The following SLC5A12 variants were observed in gnomAD, a reference collection of about 807,000 sequenced individuals.
SLC5A12 encodes the protein sodium-coupled monocarboxylate transporter 2.
A neutral mutation model predicts 72.7 loss-of-function variants in SLC5A12; 46 were observed. That is an observed-to-expected ratio of 0.63 (90% CI 0.50 to 0.81). SLC5A12 has a LOEUF of 0.81. SLC5A12 is among the 30% of genes least tolerant of loss of function. The pLI is 0.00. For synonymous variants in SLC5A12, 275 were observed against 264.4 expected (o/e 1.04, Z -0.39); for missense variants, 683 against 740.7 (o/e 0.92, Z 0.90).
rs1854010586 is a variant in SLC5A12 at position 26,667,035 on chromosome 11, G to A, written c.*4067C>T. The A allele has an allele frequency of 6.6e-6, 1 of 151,836 alleles. No individual in the cohort carries two copies. Among genetic ancestry groups the A allele is most frequent in the South Asian group, 2.1e-4 (1 of 4,820 alleles). The allele number at this position is 151,836 out of a possible 1,614,324, so 9.4% of individuals were successfully genotyped here. ...CCATTAGTAATTTACTATCAATGAC[G>A]AGTTACATTTTATTAGTTTATAAAT... On this transcript the variant is annotated 3_prime_UTR_variant, in exon 15 of 15. Transcript: ENST00000396005.
intron 1 of SLC5A12, among the ~76,000 whole-genome samples, chr11:26,715,528 G>T (rs766327387): frequency 6.0e-4 from 91 of 151,990 alleles, no homozygotes; most frequent in Non-Finnish European, 1.1e-3. Flanking sequence ...ATTTTTAATT[G>T]GCATCTTTTT....
At chr11:26,717,720 G>C (rs1211737618) in intron 1 of SLC5A12, among the ~76,000 whole-genome samples, 1 of 152,108 alleles carries the variant, frequency 6.6e-6, no homozygotes, top group South Asian at 2.1e-4. Context: ...GGTCAGGCTG[G>C]GTGATCTCTC....
At chr11:26,720,413 T>G (rs1855452835) in intron 1 of SLC5A12, among the ~76,000 whole-genome samples, 1 of 152,040 alleles carries the variant, frequency 6.6e-6, no homozygotes, top group Non-Finnish European at 1.5e-5. Flanking sequence ...AGTAGATGCT[T>G]AATGAGTATT....
In SLC5A12 at chr11:26,678,690, AAAGG is replaced by A. The variant is rs1854321657; in HGVS notation, c.1579+18_1579+21del. ...ATGAGCCCATATCTTCTTTAGTCCC[AAAGG>A]GAGGAATTATAACCAACCTGTTATG... On this transcript the variant is annotated intron_variant, in intron 13 of 14. Transcript: ENST00000396005. 6.3e-7 allele frequency: 1 copy of A among 1,579,530 alleles called. No homozygotes were observed. Among genetic ancestry groups the A allele is most frequent in the African/African-American group, 1.4e-5 (1 of 73,946 alleles).
chr11:26,711,264 C>A, intron 3 of SLC5A12, 43 bp downstream of exon 3: 2 of 1,527,930 alleles, frequency 1.3e-6, no homozygotes, highest in Non-Finnish European at 9.1e-7. Flanking sequence ...AGAATTCAGG[C>A]ATAAAAATGG....
intron 7 of SLC5A12, among the ~76,000 whole-genome samples, chr11:26,697,890 G>A (rs994220929): frequency 9.0e-5 from 9 of 100,494 alleles, no homozygotes; most frequent in Admixed American, 6.3e-4. Context: ...GTGAGATGCC[G>A]TCTTTTTTTT....
At chr11:26,702,536 A>G (rs1272722627) in intron 6 of SLC5A12, among the ~76,000 whole-genome samples, 1 of 152,192 alleles carries the variant, frequency 6.6e-6, no homozygotes, top group Non-Finnish European at 1.5e-5. Context: ...ATGAAGAATC[A>G]TTTTGGATGC....
intron 9 of SLC5A12, among the ~76,000 whole-genome samples, chr11:26,690,548 C>T (rs1322367693): frequency 6.6e-6 from 1 of 150,414 alleles, no homozygotes; most frequent in Non-Finnish European, 1.5e-5. Flanking sequence ...CAGTGGCTCA[C>T]ACCTGTAATT....
rs1854117694 is a variant in SLC5A12, at chr11:26,670,653, G to A, written c.*449C>T. 6.6e-6 allele frequency: 1 copy of A among 152,462 alleles called. No homozygotes were observed. The highest frequency in any genetic ancestry group is 2.1e-4 in the South Asian group (1 of 4,844). The allele number at this position is 152,462 out of a possible 1,614,324, so 9.4% of individuals were successfully genotyped here. On this transcript the variant is annotated 3_prime_UTR_variant, in exon 15 of 15. Transcript: ENST00000396005. The stretch of plus-strand genomic sequence containing the variant: ...TATGTCAGGTATGAGGTCAGGGGTG[G>A]ATGTCATTCCTCTATTTTATCCCTC...
upstream of SLC5A12, among the ~76,000 whole-genome samples, chr11:26,722,729 A>T (rs938506551): frequency 5.9e-5 from 9 of 152,150 alleles, no homozygotes; most frequent in Non-Finnish European, 1.3e-4. Flanking sequence ...CAATCCAGTT[A>T]TAAATTCCTG....
At position 26,718,547 on chromosome 11, in the gene SLC5A12, G is replaced by A. The variant is rs146226912; in HGVS notation, c.339+2829C>T. ...CTCGGCAGTTCACTGCAACCTCCCA[G>A]GTTCAAGTGATTCTCGTGCCTCAGC... is the stretch of plus-strand genomic sequence containing the variant. On this transcript the variant is annotated intron_variant, in intron 1 of 14. Coordinates refer to ENST00000396005, the MANE Select transcript of SLC5A12 (RefSeq NM_178498.4). Among the ~76,000 whole-genome samples the A allele has an allele frequency of 4.7e-3, 713 of 152,088 alleles. 2 individuals are homozygous for A. The highest frequency in any genetic ancestry group is 6.9e-3 in the Non-Finnish European group (470 of 68,002).
chr11:26,709,187 C>A (rs1262558150), intron 4 of SLC5A12, 125 bp downstream of exon 4: 1 of 603,376 alleles, frequency 1.7e-6, no homozygotes, highest in Non-Finnish European at 2.8e-6. Context: ...ACAGATAAGC[C>A]GACATACTTC....
intron 1 of SLC5A12, 22 bp downstream of exon 1, chr11:26,721,354 A>T: frequency 6.5e-7 from 1 of 1,548,618 alleles, no homozygotes; most frequent in Non-Finnish European, 8.7e-7. Flanking sequence ...AAAATTAGAG[A>T]AGAATGGAGA....
At chr11:26,687,206 A>C (rs1269279621) in intron 9 of SLC5A12, among the ~76,000 whole-genome samples, 3 of 152,208 alleles carry the variant, frequency 2.0e-5, no homozygotes, top group Non-Finnish European at 2.9e-5. Context: ...TAAAAATAAT[A>C]TCTTCTTCTA....
rs375451461 is a variant in SLC5A12 at position 26,698,692 on chromosome 11, A to AT, written c.822-158dup. Among the ~76,000 whole-genome samples, 139 of 148,738 alleles carry AT rather than the reference A, an allele frequency of 9.3e-4. 1 individual carries two copies. The highest frequency in any genetic ancestry group is 3.4e-3 in the Middle Eastern group (1 of 290). On this transcript the variant is annotated intron_variant, in intron 6 of 14. Coordinates refer to ENST00000396005, the MANE Select transcript of SLC5A12 (RefSeq NM_178498.4). ...AATCACTACACTTTATACTTTTGCT[A>AT]TTTTTTTTTTGCTTGAGAACATTAC...
chr11:26,718,708 C>T (rs1393407197), intron 1 of SLC5A12, among the ~76,000 whole-genome samples: 1 of 151,746 alleles, frequency 6.6e-6, no homozygotes, highest in Non-Finnish European at 1.5e-5. Flanking sequence ...AGGCTGGTCT[C>T]GAACTCCTGA....
In SLC5A12 at chr11:26,671,136, T is replaced by G. The variant is rs937968083; in HGVS notation, c.1823A>C (p.Tyr608Ser). The change falls in exon 15 of 15, where the codon TAC becomes TCC. Residue 608 changes from tyrosine to serine, a missense_variant. Coordinates refer to ENST00000396005, the MANE Select transcript of SLC5A12 (RefSeq NM_178498.4). The part of the protein sequence containing the change: ...VPGYDPKDKS[Y>S]NNMAFETTHF The stretch of plus-strand genomic sequence containing the variant: ...GGTAGTCTCAAATGCCATATTGTTG[T>G]AGCTTTTGTCCTTAGGATCATAGCC... 1 of 1,612,742 alleles carries G rather than the reference T, an allele frequency of 6.2e-7. No homozygotes were observed. The highest frequency in any genetic ancestry group is 8.5e-7 in the Non-Finnish European group (1 of 1,179,214).
chr11:26,723,081 A>G (rs868861757), upstream of SLC5A12, among the ~76,000 whole-genome samples: 7 of 152,032 alleles, frequency 4.6e-5, no homozygotes, highest in African/African-American at 7.2e-5. Context: ...CATATACCCA[A>G]TACATTATAG....
chr11:26,693,791 T>C (rs1384360478), intron 8 of SLC5A12, among the ~76,000 whole-genome samples: 1 of 152,264 alleles, frequency 6.6e-6, no homozygotes, highest in African/African-American at 2.4e-5. Flanking sequence ...GTGATATATA[T>C]ATATAGGAAG....
Sources: allele counts gnomAD v4.1 joint callset (sites outside exome capture counted in the v4.1 genomes callset), GRCh38; gene constraint gnomAD v4.1.1; transcripts MANE v1.5; gene names NCBI Gene and HGNC (gene_info 2026-07-23, HGNC 2026-07-21).